LCP2: variants seen among roughly 807,000 people sequenced by gnomAD.
LCP2 encodes lymphocyte cytosolic protein 2, also known as 76 kDa tyrosine phosphoprotein.
LCP2 carries 29 observed loss-of-function variants against 74.5 expected under a neutral mutation model. The observed-to-expected ratio is 0.39, with a 90% CI of 0.29 to 0.53. The LOEUF is 0.53. Ranked by LOEUF, LCP2 falls within the 20% of genes least tolerant of loss-of-function variation. LCP2 has a pLI of 0.72. For synonymous variants in LCP2, 228 were observed against 229.5 expected (o/e 0.99, Z 0.06); for missense variants, 604 against 634.6 (o/e 0.95, Z 0.52).
chr5:170,280,517 A>G (rs1762082102), intron 3 of LCP2, among the ~76,000 whole-genome samples: 1 of 152,298 alleles, frequency 6.6e-6, no homozygotes, highest in East Asian at 1.9e-4. Context: ...TTTAAGACTC[A>G]GGAAGGAGCC....
chr5:170,273,312 C>T (rs1296866713), intron 6 of LCP2, among the ~76,000 whole-genome samples: 2 of 152,250 alleles, frequency 1.3e-5, no homozygotes, highest in African/African-American at 4.8e-5. Flanking sequence ...CAGAAACATT[C>T]CAGCGGAAAC....
In LCP2 at chr5:170,248,667, AGGAC is replaced by A. The variant is rs1761354213; in HGVS notation, c.*26_*29del. 1.2e-6 allele frequency: 2 copies of A among 1,600,430 alleles called. No homozygotes were observed. Among genetic ancestry groups the A allele is most frequent in the Non-Finnish European group, 1.7e-6 (2 of 1,174,568 alleles). On this transcript the variant is annotated 3_prime_UTR_variant, in exon 21 of 21. Transcript: ENST00000046794. ...ATCTCGTGTTGGCAACAGAGGCAGG[AGGAC>A]GGTTCATTTGCTCGGCTATAACTTG...
intron 3 of LCP2, among the ~76,000 whole-genome samples, chr5:170,280,534 C>T (rs1191752652): frequency 6.6e-6 from 1 of 152,164 alleles, no homozygotes; most frequent in Non-Finnish European, 1.5e-5. Flanking sequence ...AGCCTTTCAC[C>T]ATCACCTGAG....
rs1346529879 is a variant in LCP2, at chr5:170,246,795, G to A, written c.*1902C>T. 6.6e-6 allele frequency: 1 copy of A among 152,212 alleles called. No individual in the cohort carries two copies. The highest frequency in any genetic ancestry group is 1.5e-5 in the Non-Finnish European group (1 of 68,076). 9.4% of individuals were successfully genotyped at this position (152,212 alleles called of 1,614,324 possible). A position where few individuals can be genotyped will look rare whatever the true frequency, so the allele number is the denominator to read the frequency against. On this transcript the variant is annotated 3_prime_UTR_variant, in exon 21 of 21. Transcript: ENST00000046794. ...AGCAACTGTGACTGATGCACCTGGG[G>A]TCATATAGAAGGTCTGTGGCCAAAA...
intron 10 of LCP2, 66 bp downstream of exon 10, chr5:170,266,742 G>C: frequency 7.6e-7 from 1 of 1,321,042 alleles, no homozygotes; most frequent in Non-Finnish European, 1.1e-6. Flanking sequence ...CATGTGAAAC[G>C]TATGCAGGAA....
chr5:170,266,545 C>G (rs1045618930), intron 10 of LCP2, among the ~76,000 whole-genome samples: 6 of 152,190 alleles, frequency 3.9e-5, no homozygotes, highest in African/African-American at 1.4e-4. Flanking sequence ...AGCACAGCCC[C>G]CAGAAGCTGC....
At chr5:170,274,264 G>C (rs1394013236) in intron 6 of LCP2, 37 bp downstream of exon 6, 1 of 1,607,490 alleles carries the variant, frequency 6.2e-7, no homozygotes, top group Non-Finnish European at 8.5e-7. Flanking sequence ...CCTGGACACT[G>C]CTGTAAAGGT....
intron 3 of LCP2, among the ~76,000 whole-genome samples, chr5:170,280,904 C>T (rs527497366): frequency 2.0e-5 from 3 of 151,864 alleles, no homozygotes; most frequent in East Asian, 3.9e-4. Context: ...CTCGGGAGGC[C>T]GAGGCAGGAG....
chr5:170,276,374 C>T (rs1762007940), intron 3 of LCP2, among the ~76,000 whole-genome samples: 1 of 152,184 alleles, frequency 6.6e-6, no homozygotes, highest in African/African-American at 2.4e-5. Context: ...GTGGGCTGTT[C>T]TGTGGCCTGC....
chr5:170,290,254 G>C (rs1473209401), intron 2 of LCP2, among the ~76,000 whole-genome samples: 3 of 152,162 alleles, frequency 2.0e-5, no homozygotes, highest in African/African-American at 7.2e-5. Flanking sequence ...ACAGAAAGAG[G>C]AAAGCCACAA....
chr5:170,274,454 C>G, intron 5 of LCP2, 116 bp from the exon 6 acceptor site: 1 of 1,035,784 alleles, frequency 9.7e-7, no homozygotes, highest in Non-Finnish European at 1.5e-6. Flanking sequence ...CCCTGGCCTC[C>G]ACCTACCTCC....
intron 2 of LCP2, among the ~76,000 whole-genome samples, chr5:170,292,331 G>T (rs1762307471): frequency 6.6e-6 from 1 of 152,178 alleles, no homozygotes; most frequent in Non-Finnish European, 1.5e-5. Context: ...CTTGAGAGCT[G>T]CCTAGAAAGG....
chr5:170,251,874 G>T, intron 19 of LCP2: 1 of 248,730 alleles, frequency 4.0e-6, no homozygotes, highest in Non-Finnish European at 8.6e-6. Context: ...TACTGGTGTG[G>T]AGTTTAAGTG....
Position 170,257,939 on chromosome 5 carries a change from C to G in LCP2, c.1100+98G>C, listed in dbSNP as rs967627349. 3.5e-5 allele frequency: 47 copies of G among 1,344,820 alleles called. No individual in the cohort carries two copies. The African/African-American group carries it at 6.1e-4, about 17-fold the overall frequency. 83.3% of individuals were successfully genotyped at this position (1,344,820 alleles called of 1,614,324 possible). Reference sequence around the variant, plus strand: ...AAAATGTTCAGACCCTACTATCTACCCGTCATTTCCTTCTTTCTCAATCTG... The same window carrying G: ...AAAATGTTCAGACCCTACTATCTACGCGTCATTTCCTTCTTTCTCAATCTG... On this transcript the variant is annotated intron_variant, in intron 16 of 20. Transcript: ENST00000046794.
At chr5:170,273,432 CT>C (rs1009411221) in intron 6 of LCP2, among the ~76,000 whole-genome samples, 1 of 152,014 alleles carries the variant, frequency 6.6e-6, no homozygotes, top group South Asian at 2.1e-4. Context: ...CAATTAAATA[CT>C]TTCTTTTACC....
intron 15 of LCP2, 105 bp downstream of exon 15, chr5:170,258,761 T>G (rs76631646): frequency 0.022 from 15,762 of 723,156 alleles, 295 homozygotes; most frequent in South Asian, 0.055. Context: ...TTAAGACTTA[T>G]AATTGATTCT....
intron 10 of LCP2, among the ~76,000 whole-genome samples, chr5:170,266,127 T>C (rs1761750820): frequency 6.6e-6 from 1 of 152,212 alleles, no homozygotes; most frequent in African/African-American, 2.4e-5. Context: ...CCCATAGCAG[T>C]TGCTCAATAA....
rs919153904 is a variant in LCP2, at chr5:170,246,894, T to A, written c.*1803A>T. On this transcript the variant is annotated 3_prime_UTR_variant, in exon 21 of 21. Coordinates refer to ENST00000046794, the MANE Select transcript of LCP2 (RefSeq NM_005565.5). Reference sequence around the variant, plus strand: ...AATGCTAGTCATGAAAACATTAGCTTCCCAACATTGATTTCAGTCATAGCC... The same window carrying A: ...AATGCTAGTCATGAAAACATTAGCTACCCAACATTGATTTCAGTCATAGCC... The A allele has an allele frequency of 3.3e-5, 5 of 152,180 alleles. No individual in the cohort carries two copies. The highest frequency in any genetic ancestry group is 4.1e-4 in the South Asian group (2 of 4,832). 9.4% of individuals were successfully genotyped at this position (152,180 alleles called of 1,614,324 possible).
intron 9 of LCP2, 57 bp downstream of exon 9, chr5:170,266,952 G>A (rs1393673388): frequency 3.7e-6 from 6 of 1,609,962 alleles, no homozygotes; most frequent in East Asian, 4.5e-5. Flanking sequence ...GGGGTTGGGC[G>A]GGGCTAGGGG....
Sources: gnomAD v4.1 joint callset for allele counts (sites outside exome capture counted in the v4.1 genomes callset) on GRCh38, gnomAD v4.1.1 for gene constraint, MANE v1.5 for transcripts, NCBI Gene and HGNC (gene_info 2026-07-23, HGNC 2026-07-21) for gene names.